The following BCAS3 variants were observed in gnomAD, a reference collection of about 807,000 sequenced individuals.
The protein encoded by BCAS3 is BCAS4/BCAS3 fusion.
Under a neutral mutation model 116.1 loss-of-function variants are expected in BCAS3, and 53 were observed. That is an observed-to-expected ratio of 0.46 (90% confidence interval 0.37 to 0.57). The LOEUF (loss-of-function observed/expected upper bound fraction) is 0.57, where lower values mean the gene tolerates loss of function less well. Ranked by LOEUF, BCAS3 falls within the 20% of genes least tolerant of loss-of-function variation. BCAS3 has a pLI of 0.00. For synonymous variants in BCAS3, 391 were observed against 408.2 expected (o/e 0.96, Z 0.51); for missense variants, 917 against 1,165.4 (o/e 0.79, Z 3.10).
At chr17:60,844,949 G>C (rs1036536856) in intron 7 of BCAS3, among the ~76,000 whole-genome samples, 14 of 152,180 alleles carry the variant, frequency 9.2e-5, no homozygotes, top group Admixed American at 2.6e-4. Flanking sequence ...CTCCAACAAG[G>C]CTGGGCACGG....
In BCAS3 at chr17:61,326,327, G is replaced by C. The variant is rs2055725408; in HGVS notation, c.2426-42000G>C. ...AAGAAATGCTTAAGGAGTTGAAAGAGGGCCTGGGTGGCTGGAGCTCAGCAC... is the reference window on the plus strand; with the variant it reads ...AAGAAATGCTTAAGGAGTTGAAAGACGGCCTGGGTGGCTGGAGCTCAGCAC... On this transcript the variant is annotated intron_variant, in intron 22 of 23. Coordinates refer to ENST00000407086, the MANE Select transcript of BCAS3 (RefSeq NM_017679.5). The surrounding 1 kb of genome is among the most constrained non-coding windows in gnomAD (Gnocchi z 5.3). 6.6e-6 allele frequency among the ~76,000 whole-genome samples: 1 copy of C among 152,154 alleles called. No homozygotes were observed. Among genetic ancestry groups the C allele is most frequent in the Admixed American group, 6.6e-5 (1 of 15,266 alleles).
chr17:60,924,315 T>C (rs1302442041), intron 12 of BCAS3, 92 bp from the exon 13 acceptor site: 1 of 989,838 alleles, frequency 1.0e-6, no homozygotes, highest in Non-Finnish European at 1.6e-6. Flanking sequence ...TGTTATTTGG[T>C]CAGTGGTTTG....
intron 16 of BCAS3, among the ~76,000 whole-genome samples, chr17:61,022,534 G>T (rs570357024): frequency 1.3e-4 from 20 of 151,432 alleles, no homozygotes; most frequent in African/African-American, 4.4e-4. Context: ...GTGAGCCACC[G>T]CGCCCAGCCT....
At chr17:60,855,278 T>C (rs1466173359) in intron 7 of BCAS3, among the ~76,000 whole-genome samples, 3 of 151,430 alleles carry the variant, frequency 2.0e-5, no homozygotes, top group Non-Finnish European at 4.4e-5. Flanking sequence ...TTTTTTTTTT[T>C]TAGTCTACCT....
intron 6 of BCAS3, among the ~76,000 whole-genome samples, chr17:60,760,999 T>C (rs75643494): frequency 6.6e-6 from 1 of 152,068 alleles, no homozygotes; most frequent in Admixed American, 6.6e-5. Context: ...TTATCTATTG[T>C]TGCTTTTGAA....
At chr17:60,939,523 TAA>T (rs2060117590) in intron 13 of BCAS3, among the ~76,000 whole-genome samples, 1 of 152,174 alleles carries the variant, frequency 6.6e-6, no homozygotes, top group African/African-American at 2.4e-5. Context: ...GTCAGCAATA[TAA>T]ATCAATGAAT....
intron 5 of BCAS3, among the ~76,000 whole-genome samples, chr17:60,720,912 T>C (rs140628766): frequency 6.6e-6 from 1 of 152,312 alleles, no homozygotes; most frequent in African/African-American, 2.4e-5. Flanking sequence ...TGGAGCTGTG[T>C]ATATGCGGTA....
chr17:61,231,994 C>CCG (rs2082710334), intron 22 of BCAS3, among the ~76,000 whole-genome samples: 1 of 151,186 alleles, frequency 6.6e-6, no homozygotes, highest in South Asian at 2.1e-4. Flanking sequence ...ATCACAAGGT[C>CCG]AGGAGTTCAA....
rs775148600 is a variant in BCAS3 at position 61,367,293 on chromosome 17, T to G, written c.2426-1034T>G. Among the ~76,000 whole-genome samples, 1 of 152,266 alleles carries G rather than the reference T, an allele frequency of 6.6e-6. No homozygotes were observed. The highest frequency in any genetic ancestry group is 1.9e-4 in the East Asian group (1 of 5,206). On this transcript the variant is annotated intron_variant, in intron 22 of 23. Coordinates refer to ENST00000407086, the MANE Select transcript of BCAS3 (RefSeq NM_017679.5). This position sits in a 1 kb window ranked among gnomAD's most constrained non-coding sequence, Gnocchi z 6.2. ...TTACCTAATCGCTGGGGAAATGGTA[T>G]GTGCTTAAAGCAACAGAGCGTGACT...
Position 61,084,439 on chromosome 17 carries a change from A to G in BCAS3, c.2328-28A>G. ...GTGACAGTTTTGATGCCAGTAACAT[A>G]TGTGAATTAAATTAAATTGCATTGC... is the stretch of plus-strand genomic sequence containing the variant. On this transcript the variant is annotated intron_variant, in intron 21 of 23. Transcript: ENST00000407086. This position sits in a 1 kb window ranked among gnomAD's most constrained non-coding sequence, Gnocchi z 5.5. 3 of 1,570,118 alleles carry G rather than the reference A, an allele frequency of 1.9e-6. No homozygotes were observed. Among genetic ancestry groups the G allele is most frequent in the Non-Finnish European group, 2.6e-6 (3 of 1,150,686 alleles).
chr17:61,066,835 C>T lies in BCAS3; in HGVS notation c.2030-8085C>T, dbSNP rs189592143. ...ATGGTAATAACTCATTCTCGGAATC[C>T]TGGTTCAAATTCACCTATCCTAACC... On this transcript the variant is annotated intron_variant, in intron 19 of 23. Coordinates refer to ENST00000407086, the MANE Select transcript of BCAS3 (RefSeq NM_017679.5). Among the ~76,000 whole-genome samples the T allele has an allele frequency of 1.4e-3, 216 of 151,944 alleles. 1 individual carries two copies. Among genetic ancestry groups the T allele is most frequent in the African/African-American group, 5.0e-3 (207 of 41,452 alleles).
intron 23 of BCAS3, among the ~76,000 whole-genome samples, chr17:61,375,389 CT>C (rs1314631330): frequency 6.6e-6 from 1 of 151,996 alleles, no homozygotes; most frequent in Non-Finnish European, 1.5e-5. Context: ...CCTCTCCTGC[CT>C]CTAGAATCAG....
chr17:61,363,770 C>T lies in BCAS3; in HGVS notation c.2426-4557C>T, dbSNP rs142099826. On this transcript the variant is annotated intron_variant, in intron 22 of 23. Coordinates refer to ENST00000407086, the MANE Select transcript of BCAS3 (RefSeq NM_017679.5). The surrounding 1 kb of genome is among the most constrained non-coding windows in gnomAD (Gnocchi z 4.9). ...ACAGCCTGCGCTAAGTGAGCGTCTT[C>T]TCCCTGCTTGAAACTGACCCTTTCC... Among the ~76,000 whole-genome samples, 1 of 152,332 alleles carries T rather than the reference C, an allele frequency of 6.6e-6. No individual in the cohort carries two copies. The highest frequency in any genetic ancestry group is 1.5e-5 in the Non-Finnish European group (1 of 68,022).
At chr17:60,806,229 G>T (rs1008986890) in intron 6 of BCAS3, among the ~76,000 whole-genome samples, 1 of 152,094 alleles carries the variant, frequency 6.6e-6, no homozygotes, top group Non-Finnish European at 1.5e-5. Flanking sequence ...TTATGGAAAG[G>T]TATCTGGGAA....
intron 7 of BCAS3, among the ~76,000 whole-genome samples, chr17:60,820,786 T>C (rs1017648310): frequency 1.5e-4 from 23 of 152,172 alleles, no homozygotes; most frequent in African/African-American, 5.1e-4. Context: ...GGAGTAACAC[T>C]CTTTAAGCAC....
intron 13 of BCAS3, among the ~76,000 whole-genome samples, chr17:60,934,353 T>G (rs954648149): frequency 6.6e-6 from 1 of 152,220 alleles, no homozygotes; most frequent in Non-Finnish European, 1.5e-5. Flanking sequence ...TCATGGAATA[T>G]GTGAATGCAT....
In BCAS3 at chr17:61,098,230, G is replaced by T. The variant is rs1010890940; in HGVS notation, c.2425+13666G>T. On this transcript the variant is annotated intron_variant, in intron 22 of 23. Transcript: ENST00000407086. The surrounding 1 kb of genome is among the most constrained non-coding windows in gnomAD (Gnocchi z 4.2). ...TACTTGGACATTTTGAAGGTAGCTT[G>T]TTGTTACAGAATATTCATATATTCA... 6.6e-6 allele frequency among the ~76,000 whole-genome samples: 1 copy of T among 152,204 alleles called. No individual in the cohort carries two copies. Among genetic ancestry groups the T allele is most frequent in the African/African-American group, 2.4e-5 (1 of 41,452 alleles).
At chr17:60,760,390 GGTGATGAATT>G (rs2043408654) in intron 6 of BCAS3, among the ~76,000 whole-genome samples, 1 of 142,576 alleles carries the variant, frequency 7.0e-6, no homozygotes, top group Admixed American at 6.7e-5. Context: ...CTAGTCTAGT[GGTGATGAATT>G]CCCCCAGCTT....
At position 60,956,833 on chromosome 17, in the gene BCAS3, A is replaced by G. The variant is rs1189956907; in HGVS notation, c.1221+9481A>G. ...CTACAGAAAATTATTTTGAACTGAT[A>G]TATAAAATTTAACACCAGTCGTGAA... On this transcript the variant is annotated intron_variant, in intron 14 of 23. Coordinates refer to ENST00000407086, the MANE Select transcript of BCAS3 (RefSeq NM_017679.5). This position sits in a 1 kb window ranked among gnomAD's most constrained non-coding sequence, Gnocchi z 4.2. Among the ~76,000 whole-genome samples, 2 of 152,234 alleles carry G rather than the reference A, an allele frequency of 1.3e-5. No individual in the cohort carries two copies. The highest frequency in any genetic ancestry group is 4.8e-5 in the African/African-American group (2 of 41,476).
Sources: allele counts gnomAD v4.1 joint callset (sites outside exome capture counted in the v4.1 genomes callset), GRCh38; gene constraint gnomAD v4.1.1; non-coding constraint Gnocchi (gnomAD v3.1); transcripts MANE v1.5; gene names NCBI Gene and HGNC (gene_info 2026-07-23, HGNC 2026-07-21).